Variants in PDZD2 observed in about 807,000 individuals in gnomAD.
The protein encoded by PDZD2 is PDZ domain containing 2.
Under a neutral mutation model 220.7 loss-of-function variants are expected in PDZD2, and 90 were observed. The ratio of observed to expected loss-of-function variants is 0.41; its 90% CI spans 0.34 to 0.49. PDZD2 has a LOEUF of 0.49. Among genes scored for constraint, PDZD2 ranks in the 20% least tolerant of loss-of-function variants. The pLI is 0.28. For missense variants in PDZD2, 3,174 were observed against 3,608.5 expected (o/e 0.88, Z 3.08); for synonymous variants, 1,375 against 1,450.5 (o/e 0.95, Z 1.18).
intron 2 of PDZD2, among the ~76,000 whole-genome samples, chr5:31,871,073 A>G (rs2150323851): frequency 6.6e-6 from 1 of 152,200 alleles, no homozygotes; most frequent in East Asian, 1.9e-4. Flanking sequence ...AGTTGGGAAG[A>G]AACCAGAAAT....
At position 31,774,630 on chromosome 5, in the gene PDZD2, C is replaced by T. The variant is rs191381666; in HGVS notation, c.-360-24259C>T. Among the ~76,000 whole-genome samples, 26 of 151,722 alleles carry T rather than the reference C, an allele frequency of 1.7e-4. No homozygotes were observed. In the East Asian group the frequency reaches 4.3e-3, roughly 25 times the overall value. ...ATTTGGGAGGCTGAGGTAGGAGAATCGCTTGAACCTGGGAGGCAGAGGTTG... is the reference window on the plus strand; with the variant it reads ...ATTTGGGAGGCTGAGGTAGGAGAATTGCTTGAACCTGGGAGGCAGAGGTTG... On this transcript the variant is annotated intron_variant, in intron 1 of 24. Coordinates refer to ENST00000438447, the MANE Select transcript of PDZD2 (RefSeq NM_178140.4).
chr5:31,921,981 C>G (rs952939), intron 2 of PDZD2, among the ~76,000 whole-genome samples: 106,611 of 151,866 alleles, frequency 0.7, 37,831 homozygotes, highest in East Asian at 0.86. Flanking sequence ...GGCCAGCCAG[C>G]CACATTCTTG....
At chr5:31,658,846 C>A (rs1365263885) in intron 1 of PDZD2, among the ~76,000 whole-genome samples, 2 of 152,090 alleles carry the variant, frequency 1.3e-5, no homozygotes, top group African/African-American at 4.8e-5. Context: ...GTCTTGAATT[C>A]CTGACCTCGT....
At chr5:32,059,102 T>G in intron 12 of PDZD2, 137 bp from the exon 13 acceptor site, 1 of 583,972 alleles carries the variant, frequency 1.7e-6, no homozygotes, top group South Asian at 2.1e-5. Flanking sequence ...AAAGCTGGAT[T>G]TACATTCTGA....
intron 2 of PDZD2, among the ~76,000 whole-genome samples, chr5:31,880,071 C>T (rs1362935118): frequency 1.3e-5 from 2 of 151,928 alleles, no homozygotes; most frequent in Non-Finnish European, 2.9e-5. Context: ...CCACCACCAC[C>T]ACCACGCCTG....
chr5:32,089,700 C>T lies in PDZD2; in HGVS notation c.6252C>T (p.Leu2084=), dbSNP rs761017589. ...GCAACATAATGGCCAGCGATCGCCT[C>T]GAAAGAACAAACCAGCTGAAAATCG... ...KGGNIMASDR[L]ERTNQLKIVE... The change falls in exon 20 of 25, where the codon CTC becomes CTT. Residue 2084 remains leucine, a synonymous_variant. Transcript: ENST00000438447. The T allele has an allele frequency of 2.2e-5, 36 of 1,614,040 alleles. No homozygotes were observed. In the South Asian group the frequency reaches 2.3e-4, roughly 10 times the overall value.
At chr5:31,940,279 G>C (rs1746103693) in intron 2 of PDZD2, among the ~76,000 whole-genome samples, 2 of 152,308 alleles carry the variant, frequency 1.3e-5, no homozygotes, top group Non-Finnish European at 1.5e-5. Context: ...TTCTTCTGTT[G>C]TCTTTGCTGT....
chr5:32,107,937 A>G (rs1744952362), intron 24 of PDZD2, 32 bp from the exon 25 acceptor site: 1 of 1,528,672 alleles, frequency 6.5e-7, no homozygotes, highest in Non-Finnish European at 8.9e-7. Flanking sequence ...GAAACTGCCA[A>G]GCTATTAATT....
intron 1 of PDZD2, among the ~76,000 whole-genome samples, chr5:31,687,904 T>C (rs962290911): frequency 6.6e-6 from 1 of 152,120 alleles, no homozygotes; most frequent in African/African-American, 2.4e-5. Context: ...CTGCCTCCAG[T>C]GCAGTCACAT....
At chr5:31,863,362 A>G (rs1385676445) in intron 2 of PDZD2, among the ~76,000 whole-genome samples, 7 of 152,166 alleles carry the variant, frequency 4.6e-5, no homozygotes, top group Admixed American at 4.6e-4. Context: ...GGTTCCTGTT[A>G]AGCATTAGTT....
At position 32,000,929 on chromosome 5, in the gene PDZD2, G is replaced by A. The variant is rs1035781511; in HGVS notation, c.1254+658G>A. Among the ~76,000 whole-genome samples the A allele has an allele frequency of 6.6e-5, 10 of 152,228 alleles. No homozygotes were observed. The highest frequency in any genetic ancestry group is 1.7e-4 in the African/African-American group (7 of 41,452). ...GCGCAGCAGTAGGTGAGTGGCCTGT[G>A]AGACAGCGTTACCTCCTGAGAGCTC... is the stretch of plus-strand genomic sequence containing the variant. On this transcript the variant is annotated intron_variant, in intron 5 of 24. Transcript: ENST00000438447. This position sits in a 1 kb window ranked among gnomAD's most constrained non-coding sequence, Gnocchi z 4.5.
chr5:32,048,723 G>T (rs1427778621), intron 8 of PDZD2, 39 bp downstream of exon 8: 1 of 1,604,906 alleles, frequency 6.2e-7, no homozygotes, highest in African/African-American at 1.3e-5. Flanking sequence ...AGACCATAAG[G>T]GCTTACATGT....
intron 2 of PDZD2, among the ~76,000 whole-genome samples, chr5:31,977,850 C>T (rs556560378): frequency 4.6e-5 from 7 of 152,146 alleles, no homozygotes; most frequent in African/African-American, 1.4e-4. Context: ...AGCGTGCACC[C>T]GTAATCCCAG....
At chr5:31,728,020 A>AAC (rs1749282354) in intron 1 of PDZD2, among the ~76,000 whole-genome samples, 1 of 151,424 alleles carries the variant, frequency 6.6e-6, no homozygotes, top group Non-Finnish European at 1.5e-5. Context: ...AAAAAAAAAA[A>AAC]AGATCAGGCA....
At chr5:31,861,577 C>T (rs767878670) in intron 2 of PDZD2, among the ~76,000 whole-genome samples, 3 of 152,120 alleles carry the variant, frequency 2.0e-5, no homozygotes, top group African/African-American at 4.8e-5. Context: ...TGGAGATTGC[C>T]GGCTGAACCC....
chr5:32,029,412 A>G lies in PDZD2; in HGVS notation c.1408-7819A>G, dbSNP rs1191237316. Among the ~76,000 whole-genome samples, 6 of 151,432 alleles carry G rather than the reference A, an allele frequency of 4.0e-5. No individual in the cohort carries two copies. In the East Asian group the frequency reaches 9.7e-4, roughly 24 times the overall value. On this transcript the variant is annotated intron_variant, in intron 6 of 24. Transcript: ENST00000438447. ...GAGACTTGAGATTCCTGAGTCAGAG[A>G]CAAATGACTTTTTATTACTCATGGC...
intron 2 of PDZD2, chr5:31,823,154 CAAAAAAAAAA>C (rs397997277): frequency 3.6e-3 from 377 of 104,546 alleles, no homozygotes; most frequent in Middle Eastern, 0.022. Flanking sequence ...GTAGACGTGG[CAAAAAAAAAA>C]AAAAAAAAAA....
At chr5:31,684,360 T>C (rs1047072314) in intron 1 of PDZD2, among the ~76,000 whole-genome samples, 2 of 152,072 alleles carry the variant, frequency 1.3e-5, no homozygotes, top group African/African-American at 4.8e-5. Context: ...CTGGATTCCT[T>C]TCTTTTTCTC....
intron 1 of PDZD2, among the ~76,000 whole-genome samples, chr5:31,795,574 T>C (rs1274069541): frequency 1.3e-5 from 2 of 152,208 alleles, no homozygotes; most frequent in African/African-American, 4.8e-5. Context: ...GGGAAGCTTG[T>C]AGGCCTTTGC....
Sources: allele counts gnomAD v4.1 joint callset (sites outside exome capture counted in the v4.1 genomes callset), GRCh38; gene constraint gnomAD v4.1.1; non-coding constraint Gnocchi (gnomAD v3.1); transcripts MANE v1.5; gene names NCBI Gene and HGNC (gene_info 2026-07-23, HGNC 2026-07-21).